Variants in AOAH observed in about 807,000 individuals in gnomAD.
AOAH encodes acyloxyacyl hydrolase, also known as acyloxyacyl hydrolase (neutrophil).
Under a neutral mutation model 92.2 loss-of-function variants are expected in AOAH, and 64 were observed. That is an observed-to-expected ratio of 0.69 (90% CI 0.57 to 0.86). The LOEUF (loss-of-function observed/expected upper bound fraction) is 0.86, where lower values mean the gene tolerates loss of function less well. Among genes scored for constraint, AOAH ranks in the 40% least tolerant of loss-of-function variants. AOAH has a pLI of 0.00. For synonymous variants in AOAH, 263 were observed against 254.5 expected, an observed-to-expected ratio of 1.03 and a Z score of -0.32; for missense variants, 656 against 694.6, an observed-to-expected ratio of 0.94 and a Z score of 0.62.
intron 8 of AOAH, among the ~76,000 whole-genome samples, chr7:36,621,289 A>T (rs1243895413): frequency 6.6e-6 from 1 of 152,228 alleles, no homozygotes; most frequent in African/African-American, 2.4e-5. Flanking sequence ...AATATATGAC[A>T]TGTTTTCCAT....
At chr7:36,721,181 G>A (rs1584197967) in intron 1 of AOAH, among the ~76,000 whole-genome samples, 1 of 152,110 alleles carries the variant, frequency 6.6e-6, no homozygotes, top group East Asian at 1.9e-4. Context: ...TCCACCAACG[G>A]GAGATGTCTC....
chr7:36,709,173 C>G (rs1441117922), intron 1 of AOAH, among the ~76,000 whole-genome samples: 1 of 152,162 alleles, frequency 6.6e-6, no homozygotes, highest in African/African-American at 2.4e-5. Flanking sequence ...GGGATCAAAC[C>G]TTGAGCTAGC....
At chr7:36,601,565 C>A (rs1317828463) in intron 11 of AOAH, among the ~76,000 whole-genome samples, 1 of 152,096 alleles carries the variant, frequency 6.6e-6, no homozygotes, top group African/African-American at 2.4e-5. Context: ...AGTTTCATTA[C>A]CAATAAAAAT....
intron 13 of AOAH, among the ~76,000 whole-genome samples, chr7:36,573,174 G>A (rs1007083275): frequency 5.3e-5 from 8 of 152,158 alleles, no homozygotes; most frequent in African/African-American, 1.7e-4. Flanking sequence ...TCTGTTTTCA[G>A]GGCCCTATTT....
intron 15 of AOAH, among the ~76,000 whole-genome samples, chr7:36,545,827 G>A (rs1266619849): frequency 6.6e-6 from 1 of 152,184 alleles, no homozygotes; most frequent in East Asian, 1.9e-4. Context: ...TGGGATGTTG[G>A]CAAAGGATTG....
chr7:36,692,588 G>A (rs1327501921), intron 1 of AOAH, among the ~76,000 whole-genome samples: 2 of 152,142 alleles, frequency 1.3e-5, no homozygotes, highest in Non-Finnish European at 1.5e-5. Flanking sequence ...AGTGAGCAAA[G>A]CCCAAGCAAG....
chr7:36,626,038 T>C (rs1219902035), intron 6 of AOAH, among the ~76,000 whole-genome samples: 2 of 152,222 alleles, frequency 1.3e-5, no homozygotes, highest in Non-Finnish European at 2.9e-5. Context: ...GGAAAAGGCT[T>C]TGAAGGTCAC....
rs144655125 is a variant in AOAH, at chr7:36,546,839, T to C, written c.1133+1773A>G. ...GGTGTTTCCTCTTCCATTAGCTCCT[T>C]GATGTCAGGGACTGTGGCTTCTTTG... On this transcript the variant is annotated intron_variant, in intron 15 of 20. Transcript: ENST00000617537. Among the ~76,000 whole-genome samples the C allele has an allele frequency of 1.8e-3, 271 of 152,306 alleles. 1 individual carries two copies. The highest frequency in any genetic ancestry group is 6.4e-3 in the African/African-American group (266 of 41,574).
intron 12 of AOAH, among the ~76,000 whole-genome samples, chr7:36,589,372 A>G (rs1208666122): frequency 1.3e-5 from 2 of 152,188 alleles, no homozygotes. Flanking sequence ...ACTGCACTAT[A>G]CCATAGGCTC....
At chr7:36,621,576 C>G (rs994462810) in intron 8 of AOAH, 134 bp downstream of exon 8, 10 of 883,766 alleles carry the variant, frequency 1.1e-5, no homozygotes, top group Non-Finnish European at 1.8e-5. Flanking sequence ...TTTCACTGAG[C>G]TTTACTTCAA....
intron 1 of AOAH, among the ~76,000 whole-genome samples, chr7:36,699,412 C>T (rs946840572): frequency 6.6e-6 from 1 of 152,102 alleles, no homozygotes; most frequent in Non-Finnish European, 1.5e-5. Flanking sequence ...AACTAATTTA[C>T]ATTCCCACCA....
Position 36,516,064 on chromosome 7 carries a change from C to T in AOAH, c.1600-2684G>A, listed in dbSNP as rs531831539. On this transcript the variant is annotated intron_variant, in intron 20 of 20. Coordinates refer to ENST00000617537, the MANE Select transcript of AOAH (RefSeq NM_001637.4). The surrounding 1 kb of genome is among the most constrained non-coding windows in gnomAD (Gnocchi z 5.0). ...TCACACACACACACACCACACACTA[C>T]ACACACCACACGCCACATACACACC... Among the ~76,000 whole-genome samples the T allele has an allele frequency of 6.8e-6, 1 of 148,064 alleles. No individual in the cohort carries two copies. The highest frequency in any genetic ancestry group is 1.5e-5 in the Non-Finnish European group (1 of 66,782).
chr7:36,562,779 G>A (rs1562571835), intron 13 of AOAH, among the ~76,000 whole-genome samples: 1 of 152,062 alleles, frequency 6.6e-6, no homozygotes, highest in African/African-American at 2.4e-5. Flanking sequence ...GAAAGTCGGG[G>A]CTTTAGTGCT....
At chr7:36,635,795 G>A (rs759242658) in intron 5 of AOAH, among the ~76,000 whole-genome samples, 2 of 152,122 alleles carry the variant, frequency 1.3e-5, no homozygotes, top group Non-Finnish European at 2.9e-5. Context: ...TGTGGGGTGA[G>A]CACATAACTT....
At chr7:36,686,850 G>A in intron 1 of AOAH, 56 bp from the exon 2 acceptor site, 2 of 1,207,342 alleles carry the variant, frequency 1.7e-6, no homozygotes, top group Non-Finnish European at 1.1e-6. Context: ...TGAACTGGAG[G>A]GACAGGAGAA....
chr7:36,652,897 A>C lies in AOAH; in HGVS notation c.390+6269T>G, dbSNP rs146096342. 4.2e-3 allele frequency among the ~76,000 whole-genome samples: 635 copies of C among 152,354 alleles called. 7 individuals are homozygous for C. The highest frequency in any genetic ancestry group is 0.014 in the African/African-American group (582 of 41,580). ...TGCGTGTCCTCGACTAGATCCTGGA[A>C]CAGAAGAGGACATTAGAGGAGAAGC... On this transcript the variant is annotated intron_variant, in intron 4 of 20. Transcript: ENST00000617537.
chr7:36,583,771 C>T (rs1477954327), intron 12 of AOAH, among the ~76,000 whole-genome samples: 1 of 152,208 alleles, frequency 6.6e-6, no homozygotes, highest in Non-Finnish European at 1.5e-5. Context: ...GTTAACCTCT[C>T]ACTAAGATTT....
chr7:36,651,175 C>T (rs1254352371), intron 4 of AOAH, among the ~76,000 whole-genome samples: 1 of 152,244 alleles, frequency 6.6e-6, no homozygotes, highest in Non-Finnish European at 1.5e-5. Flanking sequence ...GCACTTCTCT[C>T]TTCCTCACTG....
chr7:36,643,526 T>C (rs907365043), intron 4 of AOAH, among the ~76,000 whole-genome samples: 2 of 152,120 alleles, frequency 1.3e-5, no homozygotes, highest in Non-Finnish European at 2.9e-5. Context: ...GGCACAAGCA[T>C]GGTGGCAGCT....
Sources: gnomAD v4.1 joint callset for allele counts (sites outside exome capture counted in the v4.1 genomes callset) on GRCh38, gnomAD v4.1.1 for gene constraint, Gnocchi (gnomAD v3.1) non-coding constraint, MANE v1.5 for transcripts, NCBI Gene and HGNC (gene_info 2026-07-23, HGNC 2026-07-21) for gene names.